The following VPS13B variants were observed in gnomAD, a reference collection of about 807,000 sequenced individuals.
VPS13B encodes vacuolar protein sorting 13 homolog B, also known as intermembrane lipid transfer protein VPS13B.
Under a neutral mutation model 426.4 loss-of-function variants are expected in VPS13B, and 285 were observed. That is an observed-to-expected ratio of 0.67 (90% CI 0.61 to 0.74). The LOEUF (loss-of-function observed/expected upper bound fraction) is 0.74, where lower values mean the gene tolerates loss of function less well. VPS13B is among the 30% of genes least tolerant of loss of function. The pLI is 0.00. For synonymous variants in VPS13B, 1,676 were observed against 1,676.4 expected, an observed-to-expected ratio of 1.00 and a Z score of 0.01; for missense variants, 4,537 against 4,782.6, an observed-to-expected ratio of 0.95 and a Z score of 1.51.
chr8:99,851,105 C>T (rs146349700), intron 55 of VPS13B, among the ~76,000 whole-genome samples: 33 of 152,198 alleles, frequency 2.2e-4, no homozygotes, highest in African/African-American at 5.3e-4. Flanking sequence ...AAATTGAAGA[C>T]GAACTTTTAA....
intron 51 of VPS13B, among the ~76,000 whole-genome samples, chr8:99,831,014 T>TG (rs1263875258): frequency 1.3e-5 from 2 of 151,374 alleles, no homozygotes; most frequent in Non-Finnish European, 1.5e-5. Context: ...TTGGTCTCGC[T>TG]GGGAGCTGCA....
chr8:99,735,695 A>G (rs964070813), intron 39 of VPS13B, among the ~76,000 whole-genome samples: 1 of 152,200 alleles, frequency 6.6e-6, no homozygotes, highest in African/African-American at 2.4e-5. Flanking sequence ...TGGAAGCCCT[A>G]GGAAACTAAT....
At chr8:99,533,864 A>C (rs1280150060) in intron 30 of VPS13B, among the ~76,000 whole-genome samples, 1 of 152,182 alleles carries the variant, frequency 6.6e-6, no homozygotes, top group Non-Finnish European at 1.5e-5. Flanking sequence ...TTCTAGATGC[A>C]GTGTTAAGAT....
chr8:99,163,585 G>A (rs1319545476), intron 15 of VPS13B, among the ~76,000 whole-genome samples: 1 of 152,204 alleles, frequency 6.6e-6, no homozygotes, highest in Non-Finnish European at 1.5e-5. Context: ...CGAGCACAGC[G>A]CCGGTGGGCC....
At chr8:99,874,026 G>T (rs546673462) in intron 61 of VPS13B, among the ~76,000 whole-genome samples, 1 of 152,330 alleles carries the variant, frequency 6.6e-6, no homozygotes, top group South Asian at 2.1e-4. Flanking sequence ...TGGCAGGATT[G>T]AGATTTATTT....
chr8:99,401,804 T>C (rs1439819555), intron 21 of VPS13B, among the ~76,000 whole-genome samples: 3 of 152,144 alleles, frequency 2.0e-5, no homozygotes, highest in Admixed American at 6.6e-5. Context: ...AGGTGGAGGT[T>C]GCAGTGAGCC....
At chr8:99,175,725 C>T (rs543073349) in intron 16 of VPS13B, among the ~76,000 whole-genome samples, 69 of 152,270 alleles carry the variant, frequency 4.5e-4, no homozygotes, top group Middle Eastern at 6.8e-3. Context: ...CCACTGCTCT[C>T]CAGCCTGAGT....
intron 35 of VPS13B, among the ~76,000 whole-genome samples, chr8:99,681,978 A>T (rs1439772102): frequency 6.6e-6 from 1 of 152,218 alleles, no homozygotes; most frequent in Non-Finnish European, 1.5e-5. Flanking sequence ...AACATTAAAA[A>T]TTCACTGTTC....
chr8:99,459,989 G>GT (rs1818741458), intron 23 of VPS13B, among the ~76,000 whole-genome samples: 1 of 151,904 alleles, frequency 6.6e-6, no homozygotes, highest in African/African-American at 2.4e-5. Context: ...CTTACTTTTG[G>GT]TTTTGAATGA....
At chr8:99,593,774 T>G (rs1826823977) in intron 33 of VPS13B, among the ~76,000 whole-genome samples, 1 of 151,912 alleles carries the variant, frequency 6.6e-6, no homozygotes, top group Non-Finnish European at 1.5e-5. Flanking sequence ...GGATGGAGTT[T>G]AAAGCCATTA....
intron 19 of VPS13B, among the ~76,000 whole-genome samples, chr8:99,367,206 G>T (rs552543538): frequency 3.3e-5 from 5 of 152,180 alleles, no homozygotes; most frequent in African/African-American, 1.2e-4. Context: ...AAATCTCTCA[G>T]ATTTTGTTTG....
At chr8:99,506,165 A>G (rs890232792) in intron 27 of VPS13B, among the ~76,000 whole-genome samples, 7 of 152,216 alleles carry the variant, frequency 4.6e-5, no homozygotes, top group African/African-American at 1.7e-4. Context: ...TAGAGATATA[A>G]TCACTGAGAT....
intron 23 of VPS13B, among the ~76,000 whole-genome samples, chr8:99,463,609 T>C (rs1380784116): frequency 6.6e-6 from 1 of 152,220 alleles, no homozygotes; most frequent in East Asian, 1.9e-4. Context: ...CTAGATATCA[T>C]TTATAATGTC....
At chr8:99,091,306 G>A (rs1324813812) in intron 3 of VPS13B, among the ~76,000 whole-genome samples, 2 of 152,130 alleles carry the variant, frequency 1.3e-5, no homozygotes, top group African/African-American at 4.8e-5. Flanking sequence ...TTGTTAAAAT[G>A]TGGCCCAATG....
intron 16 of VPS13B, 105 bp downstream of exon 16, chr8:99,170,268 ACTTT>A: frequency 2.1e-6 from 3 of 1,400,610 alleles, no homozygotes; most frequent in Admixed American, 4.2e-5. Flanking sequence ...TTTATACAAA[ACTTT>A]AGAAAAAAAA....
chr8:99,273,763 A>G (rs1818738996), intron 17 of VPS13B, among the ~76,000 whole-genome samples: 1 of 152,050 alleles, frequency 6.6e-6, no homozygotes. Context: ...ACTGCACTCC[A>G]GCCTGGGTGA....
intron 16 of VPS13B, among the ~76,000 whole-genome samples, chr8:99,187,772 C>CA (rs775172774): frequency 2.7e-4 from 41 of 152,200 alleles, no homozygotes; most frequent in South Asian, 4.1e-4. Flanking sequence ...AGTTTGAGAC[C>CA]AGCCTGGGCA....
Position 99,875,725 on chromosome 8 carries a change from C to G in VPS13B, c.*59C>G. ...ATTTAGTTTTTGGGTTTCTTTGAGA[C>G]AGGGTCTCACTGCATTGCCCTTGCT... is the stretch of plus-strand genomic sequence containing the variant. On this transcript the variant is annotated 3_prime_UTR_variant, in exon 62 of 62. Coordinates refer to ENST00000357162, the MANE Select transcript of VPS13B (RefSeq NM_152564.5). The G allele has an allele frequency of 6.2e-7, 1 of 1,609,324 alleles. No individual in the cohort carries two copies. Among genetic ancestry groups the G allele is most frequent in the East Asian group, 2.2e-5 (1 of 44,842 alleles).
intron 16 of VPS13B, among the ~76,000 whole-genome samples, chr8:99,182,692 A>G (rs1813006746): frequency 6.6e-6 from 1 of 152,144 alleles, no homozygotes; most frequent in South Asian, 2.1e-4. Flanking sequence ...TCACCTGTGG[A>G]GAAGGAGTTA....
Sources: allele counts gnomAD v4.1 joint callset (sites outside exome capture counted in the v4.1 genomes callset), GRCh38; gene constraint gnomAD v4.1.1; transcripts MANE v1.5; gene names NCBI Gene and HGNC (gene_info 2026-07-23, HGNC 2026-07-21).